The following INPP5A variants were observed in gnomAD, a reference collection of about 807,000 sequenced individuals.
INPP5A encodes inositol polyphosphate-5-phosphatase A.
In INPP5A, 14 loss-of-function variants were observed where a neutral mutation model predicts 65.2. The ratio of observed to expected loss-of-function variants is 0.21; its 90% CI spans 0.14 to 0.34. The LOEUF (loss-of-function observed/expected upper bound fraction) is 0.34, where lower values mean the gene tolerates loss of function less well. Ranked by LOEUF, INPP5A falls within the 10% of genes least tolerant of loss-of-function variation. INPP5A has a pLI of 1.00. For missense variants in INPP5A, 431 were observed against 545.6 expected, an observed-to-expected ratio of 0.79 and a Z score of 2.09; for synonymous variants, 207 against 208.3, an observed-to-expected ratio of 0.99 and a Z score of 0.05.
At chr10:132,620,169 GAGC>G (rs1198533735) in intron 2 of INPP5A, among the ~76,000 whole-genome samples, 1 of 152,228 alleles carries the variant, frequency 6.6e-6, no homozygotes, top group Non-Finnish European at 1.5e-5. Context: ...GTGACAGGAG[GAGC>G]TGCTGCAAAG....
intron 1 of INPP5A, among the ~76,000 whole-genome samples, chr10:132,593,629 C>G (rs907041346): frequency 3.3e-5 from 5 of 152,222 alleles, no homozygotes; most frequent in African/African-American, 1.2e-4. Context: ...TCTCTTCTTG[C>G]TGGTGTGGTT....
chr10:132,747,323 C>A (rs1195313780), intron 9 of INPP5A, among the ~76,000 whole-genome samples: 1 of 152,262 alleles, frequency 6.6e-6, no homozygotes, highest in African/African-American at 2.4e-5. Context: ...ACACATGAGT[C>A]CAAAAGCCAC....
Position 132,644,450 on chromosome 10 carries a change from C to T in INPP5A, c.118-1418C>T, listed in dbSNP as rs2072466617. On this transcript the variant is annotated intron_variant, in intron 2 of 15. Coordinates refer to ENST00000368594, the MANE Select transcript of INPP5A (RefSeq NM_005539.5). The surrounding 1 kb of genome is among the most constrained non-coding windows in gnomAD (Gnocchi z 6.5). Reference sequence around the variant, plus strand: ...GCTTGGTTGGAACCATTTCTGTCTCCCCAGCCTGAGCCCGTCGTCCCTTGC... The same window carrying T: ...GCTTGGTTGGAACCATTTCTGTCTCTCCAGCCTGAGCCCGTCGTCCCTTGC... Among the ~76,000 whole-genome samples, 1 of 152,230 alleles carries T rather than the reference C, an allele frequency of 6.6e-6. No homozygotes were observed. The highest frequency in any genetic ancestry group is 1.5e-5 in the Non-Finnish European group (1 of 68,038).
At chr10:132,682,041 G>A (rs992594961) in intron 4 of INPP5A, among the ~76,000 whole-genome samples, 15 of 152,184 alleles carry the variant, frequency 9.9e-5, no homozygotes, top group African/African-American at 3.6e-4. Context: ...TGGGGAGAGC[G>A]GGAAGGGAAG....
chr10:132,666,361 G>A (rs752550429), intron 4 of INPP5A, among the ~76,000 whole-genome samples: 4 of 152,198 alleles, frequency 2.6e-5, no homozygotes, highest in Non-Finnish European at 5.9e-5. Flanking sequence ...TGAAGTCATC[G>A]TAGGCAGTAG....
At chr10:132,664,808 G>T (rs1020363752) in intron 4 of INPP5A, among the ~76,000 whole-genome samples, 1 of 152,260 alleles carries the variant, frequency 6.6e-6, no homozygotes, top group Non-Finnish European at 1.5e-5. Flanking sequence ...TGACAAGCAC[G>T]ATGTTTTCCT....
rs1279583147 is a variant in INPP5A at position 132,705,805 on chromosome 10, A to T, written c.475-2508A>T. 6.6e-6 allele frequency among the ~76,000 whole-genome samples: 1 copy of T among 152,122 alleles called. No individual in the cohort carries two copies. Among genetic ancestry groups the T allele is most frequent in the Non-Finnish European group, 1.5e-5 (1 of 68,022 alleles). ...GGAGCAGAGAGCCCAGACCTTTTAC[A>T]ATGCTGGGTGGGGTGGCCATGGAAC... On this transcript the variant is annotated intron_variant, in intron 6 of 15. Coordinates refer to ENST00000368594, the MANE Select transcript of INPP5A (RefSeq NM_005539.5). The surrounding 1 kb of genome is among the most constrained non-coding windows in gnomAD (Gnocchi z 4.9).
At chr10:132,715,513 C>T (rs1845724504) in intron 8 of INPP5A, among the ~76,000 whole-genome samples, 1 of 152,192 alleles carries the variant, frequency 6.6e-6, no homozygotes, top group Admixed American at 6.5e-5. Flanking sequence ...ATTAGTTTCC[C>T]AGGGAGAGGT....
Position 132,663,093 on chromosome 10 carries a change from C to G in INPP5A, c.306+12588C>G, listed in dbSNP as rs760887042. Among the ~76,000 whole-genome samples the G allele has an allele frequency of 3.8e-4, 58 of 152,240 alleles. No individual in the cohort carries two copies. The highest frequency in any genetic ancestry group is 3.1e-3 in the Admixed American group (48 of 15,284). On this transcript the variant is annotated intron_variant, in intron 4 of 15. Transcript: ENST00000368594. The surrounding 1 kb of genome is among the most constrained non-coding windows in gnomAD (Gnocchi z 4.5). The stretch of plus-strand genomic sequence containing the variant: ...GCTGGCCCCTCGAACGGACTGTGCA[C>G]ACCACTGTGTGTCTCACAACTCAGG...
intron 2 of INPP5A, among the ~76,000 whole-genome samples, chr10:132,617,089 C>T (rs2072045809): frequency 6.6e-6 from 1 of 152,182 alleles, no homozygotes; most frequent in Admixed American, 6.5e-5. Context: ...GGCTCTCTCT[C>T]CCTCCATCAT....
chr10:132,578,326 G>T (rs2071434409), intron 1 of INPP5A, among the ~76,000 whole-genome samples: 1 of 152,190 alleles, frequency 6.6e-6, no homozygotes, highest in South Asian at 2.1e-4. Context: ...GATCTTTGTA[G>T]CACAAGCCCG....
intron 4 of INPP5A, among the ~76,000 whole-genome samples, chr10:132,685,145 ATGC>A (rs1024081164): frequency 2.6e-5 from 4 of 152,200 alleles, no homozygotes; most frequent in Non-Finnish European, 2.9e-5. Flanking sequence ...GAGTCACCAA[ATGC>A]TGCCACTCTT....
At chr10:132,773,174 G>C (rs1436591922) in intron 12 of INPP5A, among the ~76,000 whole-genome samples, 1 of 152,240 alleles carries the variant, frequency 6.6e-6, no homozygotes, top group Non-Finnish European at 1.5e-5. Context: ...GCCTCACTGT[G>C]AAGTGAAATT....
intron 4 of INPP5A, among the ~76,000 whole-genome samples, chr10:132,686,169 C>T (rs1289973927): frequency 6.6e-6 from 1 of 152,178 alleles, no homozygotes; most frequent in Non-Finnish European, 1.5e-5. Flanking sequence ...CTGTGTGGCC[C>T]GCACCGGATC....
chr10:132,716,569 G>A lies in INPP5A; in HGVS notation c.647+6113G>A, dbSNP rs372129975. Among the ~76,000 whole-genome samples, 71 of 152,312 alleles carry A rather than the reference G, an allele frequency of 4.7e-4. No individual in the cohort carries two copies. In the East Asian group the frequency reaches 5.8e-3, roughly 12 times the overall value. ...GCCCTTTGGTGGCAGACAGGACGATGCCTGTGCTGGGCCATGGGGGCCGTG... is the reference window on the plus strand; with the variant it reads ...GCCCTTTGGTGGCAGACAGGACGATACCTGTGCTGGGCCATGGGGGCCGTG... On this transcript the variant is annotated intron_variant, in intron 8 of 15. Coordinates refer to ENST00000368594, the MANE Select transcript of INPP5A (RefSeq NM_005539.5).
At chr10:132,683,399 A>G (rs1317231939) in intron 4 of INPP5A, among the ~76,000 whole-genome samples, 3 of 144,596 alleles carry the variant, frequency 2.1e-5, no homozygotes, top group Non-Finnish European at 4.6e-5. Flanking sequence ...ACACATGTGT[A>G]TTATCCTATG....
chr10:132,708,298 G>C lies in INPP5A; in HGVS notation c.475-15G>C, dbSNP rs41301113. 119,617 of 1,612,316 alleles carry C rather than the reference G, an allele frequency of 0.074. 4,826 individuals are homozygous for C. Among genetic ancestry groups the C allele is most frequent in the South Asian group, 0.12 (10,525 of 91,002 alleles). On this transcript the variant is annotated splice_polypyrimidine_tract_variant and intron_variant, in intron 6 of 15. Coordinates refer to ENST00000368594, the MANE Select transcript of INPP5A (RefSeq NM_005539.5). The stretch of plus-strand genomic sequence containing the variant: ...ACTTACTCTGGCTCATTTGTGTGAC[G>C]TGTTTATTTTTCAGTGCAAATGGTC...
chr10:132,611,377 T>G (rs1590866800), intron 2 of INPP5A, among the ~76,000 whole-genome samples: 13 of 90,208 alleles, frequency 1.4e-4, no homozygotes, highest in South Asian at 8.1e-4. Context: ...GTGAGGGAGG[T>G]GAGGTGGGCA....
At position 132,781,890 on chromosome 10, in the gene INPP5A, C is replaced by G; in HGVS notation, c.1188C>G (p.Pro396=). The G allele has an allele frequency of 1.9e-6, 3 of 1,613,842 alleles. No individual in the cohort carries two copies. Among genetic ancestry groups the G allele is most frequent in the African/African-American group, 1.3e-5 (1 of 75,052 alleles). The change falls in exon 15 of 16, where the codon CCC becomes CCG. Residue 396 remains proline (P), a synonymous_variant. Transcript: ENST00000368594. The stretch of plus-strand genomic sequence containing the variant: ...TGTTCCTGGCCTTCCGAATCATGCC[C>G]GGGGCAGGTAAACCTCATGCCCATG... ...KPVFLAFRIM[P]GAGKPHAHVH... is the part of the protein sequence containing the mutation.
Sources: gnomAD v4.1 joint callset for allele counts (sites outside exome capture counted in the v4.1 genomes callset) on GRCh38, gnomAD v4.1.1 for gene constraint, Gnocchi (gnomAD v3.1) non-coding constraint, MANE v1.5 for transcripts, NCBI Gene and HGNC (gene_info 2026-07-23, HGNC 2026-07-21) for gene names.